Variants in GCNA observed in about 807,000 individuals in gnomAD.
GCNA encodes the protein germ cell nuclear acidic protein.
Under a neutral mutation model 38.8 loss-of-function variants are expected in GCNA, and 3 were observed. The ratio of observed to expected loss-of-function variants is 0.08; its 90% CI spans 0.04 to 0.20. The LOEUF (loss-of-function observed/expected upper bound fraction) is 0.20. GCNA is among the 10% of genes least tolerant of loss of function. The pLI, the probability that GCNA is intolerant of heterozygous loss-of-function variation, is 1.00. For synonymous variants in GCNA, 195 were observed against 240.2 expected (o/e 0.81, Z 1.74); for missense variants, 446 against 578.6 (o/e 0.77, Z 2.35).
rs1168601047 is a variant in GCNA at position 71,597,890 on chromosome X, G to A, written c.222-60G>A. 5.4e-6 allele frequency: 5 copies of A among 932,494 alleles called. No homozygotes were observed. The East Asian group carries it at 1.6e-4, about 30-fold the overall frequency. The allele number at this position is 932,494 out of a possible 1,213,427, so 76.8% of individuals were successfully genotyped here. On this transcript the variant is annotated intron_variant, in intron 6 of 12. Coordinates refer to ENST00000373696, the MANE Select transcript of GCNA (RefSeq NM_052957.5). ...GATCAGAAAAGGTGAGAAATGCCAT[G>A]AAAAAGAAGACTGTTGCGTTCATAC...
At chrX:71,603,548 G>T in intron 7 of GCNA, 40 bp from the exon 8 acceptor site, 1 of 1,180,097 alleles carries the variant, frequency 8.5e-7, no homozygotes, top group African/African-American at 1.8e-5. Context: ...AGGTGGTAGA[G>T]GGAGTATATT....
At chrX:71,584,748 G>T (rs1010385459) in intron 2 of GCNA, among the ~76,000 whole-genome samples, 1 of 110,132 alleles carries the variant, frequency 9.1e-6, no homozygotes, top group Non-Finnish European at 1.9e-5. Context: ...GGCACCTGTA[G>T]TCCCAGCTAC....
At position 71,608,991 on chromosome X, in the gene GCNA, C is replaced by G; in HGVS notation, c.1485C>G (p.Val495=). The G allele has an allele frequency of 8.3e-7, 1 of 1,210,217 alleles. No homozygotes were observed. The highest frequency in any genetic ancestry group is 1.1e-6 in the Non-Finnish European group (1 of 894,548). Reference sequence around the variant, plus strand: ...TTTGCAGGACTCCTAAATGCAAAGTCCCTGGATGTTTCTTGCAAGACCTTG... The same window carrying G: ...TTTGCAGGACTCCTAAATGCAAAGTGCCTGGATGTTTCTTGCAAGACCTTG... ...KRKTRTPKCK[V]PGCFLQDLEK... The change falls in exon 10 of 13, where the codon GTC becomes GTG. Residue 495 remains valine, a synonymous_variant. Transcript: ENST00000373696.
chrX:71,596,059 T>C, intron 6 of GCNA, among the ~76,000 whole-genome samples: 1 of 111,235 alleles, frequency 9.0e-6, no homozygotes, highest in African/African-American at 3.3e-5. Context: ...TTAATAAAAA[T>C]ACAAAAATTA....
intron 6 of GCNA, 23 bp downstream of exon 6, chrX:71,594,802 C>G: frequency 8.6e-7 from 1 of 1,168,823 alleles, no homozygotes; most frequent in African/African-American, 1.8e-5. Context: ...ATTAATGAAA[C>G]TTTACTTTTT....
At chrX:71,585,406 A>G (rs140870391) in intron 2 of GCNA, among the ~76,000 whole-genome samples, 1,111 of 110,910 alleles carry the variant, frequency 0.01, 7 homozygotes, top group Middle Eastern at 0.019. Context: ...CCCAGGGTGG[A>G]TCGTTAGTCT....
chrX:71,608,800 T>C (rs1569441902), intron 9 of GCNA, among the ~76,000 whole-genome samples, 173 bp from the exon 10 acceptor site: 1 of 111,456 alleles, frequency 9.0e-6, no homozygotes, highest in African/African-American at 3.3e-5. Context: ...CCTCTGAGGG[T>C]TGCAAAGAGA....
At chrX:71,595,772 T>C (rs1023494384) in intron 6 of GCNA, among the ~76,000 whole-genome samples, 8 of 112,210 alleles carry the variant, frequency 7.1e-5, no homozygotes, top group African/African-American at 2.6e-4. Context: ...CAAATGCAAA[T>C]TGGTCATTCT....
chrX:71,603,638 A>G lies in GCNA; in HGVS notation c.361A>G (p.Ile121Val), dbSNP rs751548461. ...HVKPAIQEPPIVISDDDNDDD... is the reference protein window; with the variant it reads ...HVKPAIQEPPVVISDDDNDDD... ...GAAGCCTGCCATCCAGGAACCTCCAATAGTTATTAGTGATGATGACAATGA... is the reference window on the plus strand; with the variant it reads ...GAAGCCTGCCATCCAGGAACCTCCAGTAGTTATTAGTGATGATGACAATGA... Residue 121 changes from isoleucine to valine, a missense_variant, in exon 8 of 13, where the codon ATA (isoleucine) becomes GTA (valine). Coordinates refer to ENST00000373696, the MANE Select transcript of GCNA (RefSeq NM_052957.5). The G allele has an allele frequency of 1.8e-5, 22 of 1,212,001 alleles. No homozygotes were observed. In the Admixed American group the frequency reaches 2.4e-4, roughly 13 times the overall value.
chrX:71,596,517 T>TTA (rs2040673312), intron 6 of GCNA, among the ~76,000 whole-genome samples: 1 of 112,076 alleles, frequency 8.9e-6, no homozygotes, highest in Non-Finnish European at 1.9e-5. Context: ...GTGTATAATA[T>TTA]TATACATAAT....
chrX:71,604,583 G>A lies in GCNA; in HGVS notation c.1306G>A (p.Glu436Lys). 8.4e-7 allele frequency: 1 copy of A among 1,196,712 alleles called. No individual in the cohort carries two copies. Among genetic ancestry groups the A allele is most frequent in the East Asian group, 3.0e-5 (1 of 33,452 alleles). Residue 436 changes from glutamate (E) to lysine (K), a missense_variant, in exon 8 of 13, where the codon GAG becomes AAG. Transcript: ENST00000373696. ...GCAGACAAAGACCAAAAATATAGTG[G>A]AGCCACCAAGGAAAAGGCAGACAAA... The part of the protein sequence containing the change: ...KRQTKTKNIV[E>K]PPRKRQTKTK...
intron 9 of GCNA, among the ~76,000 whole-genome samples, chrX:71,606,723 C>T (rs1178774145): frequency 8.9e-6 from 1 of 111,907 alleles, no homozygotes; most frequent in Non-Finnish European, 1.9e-5. Context: ...CAGCCGGTAG[C>T]AGCTTGCCAA....
At chrX:71,579,238 G>A (rs1473563619) in intron 1 of GCNA, among the ~76,000 whole-genome samples, 1 of 104,566 alleles carries the variant, frequency 9.6e-6, no homozygotes, top group Non-Finnish European at 2.0e-5. Context: ...AGTGGCGGGT[G>A]GGGAGAAGTA....
chrX:71,608,174 G>A lies in GCNA; in HGVS notation c.1467-799G>A, dbSNP rs182482123. On this transcript the variant is annotated intron_variant, in intron 9 of 12. Transcript: ENST00000373696. ...AAGGGTAGGACAAGAACTTGAACTAGAGTAGGAACCAGGGGGATGGAAAGG... is the reference window on the plus strand; with the variant it reads ...AAGGGTAGGACAAGAACTTGAACTAAAGTAGGAACCAGGGGGATGGAAAGG... 8.0e-5 allele frequency among the ~76,000 whole-genome samples: 9 copies of A among 112,306 alleles called. No homozygotes were observed. In the East Asian group the frequency reaches 1.9e-3, roughly 24 times the overall value.
chrX:71,579,192 G>A, intron 1 of GCNA, among the ~76,000 whole-genome samples: 1 of 103,950 alleles, frequency 9.6e-6, no homozygotes, highest in Non-Finnish European at 2.0e-5. Flanking sequence ...GGGAGGTGGG[G>A]GCCCCAGTGG....
In GCNA at chrX:71,580,899, T is replaced by A. The variant is rs370258215; in HGVS notation, c.59+19T>A. On this transcript the variant is annotated intron_variant, in intron 2 of 12. Transcript: ENST00000373696. ...AGGATTGGTGAGATTTAGAAAGTTC[T>A]GTTTTCTTTTAGTTTAGTGTTACCG... 8.1e-4 allele frequency: 954 copies of A among 1,180,168 alleles called. 1 individual carries two copies. The Middle Eastern group carries it at 0.014, about 18-fold the overall frequency.
intron 2 of GCNA, among the ~76,000 whole-genome samples, chrX:71,583,504 G>A (rs950056808): frequency 9.1e-6 from 1 of 109,989 alleles, no homozygotes; most frequent in African/African-American, 3.3e-5. Context: ...AAAGAATGAC[G>A]CCAACATTGG....
chrX:71,580,981 C>T lies in GCNA; in HGVS notation c.59+101C>T, dbSNP rs188213845. 73 of 789,632 alleles carry T rather than the reference C, an allele frequency of 9.2e-5. 1 individual carries two copies. The East Asian group carries it at 1.7e-3, about 19-fold the overall frequency. The allele number at this position is 789,632 out of a possible 1,213,427, so 65.1% of individuals were successfully genotyped here. On this transcript the variant is annotated intron_variant, in intron 2 of 12. Transcript: ENST00000373696. ...TTTATTTCCTTTAGTATCTGTAGAG[C>T]GTATAACTTGGTTTGTTATAAAATG...
intron 2 of GCNA, among the ~76,000 whole-genome samples, chrX:71,586,387 T>A (rs1293466928): frequency 9.0e-6 from 1 of 111,507 alleles, no homozygotes; most frequent in Non-Finnish European, 1.9e-5. Flanking sequence ...GAGGTACATA[T>A]AATAATGTGT....
Sources: gnomAD v4.1 joint callset for allele counts (sites outside exome capture counted in the v4.1 genomes callset) on GRCh38, gnomAD v4.1.1 for gene constraint, MANE v1.5 for transcripts, NCBI Gene and HGNC (gene_info 2026-07-23, HGNC 2026-07-21) for gene names.